The following PELI2 variants were observed in gnomAD, a reference collection of about 807,000 sequenced individuals.
PELI2 encodes E3 ubiquitin-protein ligase pellino homolog 2.
A neutral mutation model predicts 42.3 loss-of-function variants in PELI2; 23 were observed. That is an observed-to-expected ratio of 0.54 (90% CI 0.39 to 0.77). PELI2 has a LOEUF of 0.77. Ranked by LOEUF, PELI2 falls within the 30% of genes least tolerant of loss-of-function variation. PELI2 has a pLI of 0.00. For missense variants in PELI2, 463 were observed against 553.2 expected (o/e 0.84, Z 1.64); for synonymous variants, 245 against 212.2 (o/e 1.15, Z -1.34).
At chr14:56,240,286 T>A (rs55724547) in intron 2 of PELI2, among the ~76,000 whole-genome samples, 25,016 of 151,722 alleles carry the variant, frequency 0.16, 2,624 homozygotes, top group Non-Finnish European at 0.24. Flanking sequence ...GGCGAGACGA[T>A]TGGGGGCCTG....
intron 2 of PELI2, among the ~76,000 whole-genome samples, chr14:56,198,010 A>ACCCACACC (rs1555346656): frequency 1.5e-3 from 169 of 114,700 alleles, no homozygotes; most frequent in African/African-American, 4.7e-3. Flanking sequence ...ACACACACAC[A>ACCCACACC]CACCCACCTC....
chr14:56,150,196 C>CA (rs1884290761), intron 1 of PELI2, among the ~76,000 whole-genome samples: 1 of 152,224 alleles, frequency 6.6e-6, no homozygotes, highest in African/African-American at 2.4e-5. Context: ...GCAGCAAGCA[C>CA]GGCGTAACTG....
At chr14:56,185,520 A>T (rs1299330770) in intron 2 of PELI2, among the ~76,000 whole-genome samples, 1 of 152,208 alleles carries the variant, frequency 6.6e-6, no homozygotes, top group Non-Finnish European at 1.5e-5. Flanking sequence ...CAGCATACCT[A>T]CTTATCATCA....
In PELI2 at chr14:56,300,329, A is replaced by AGTAGTAG. The variant is rs1890136034; in HGVS notation, c.*3163_*3164insGTAGTAG. The AGTAGTAG allele has an allele frequency of 1.3e-5, 2 of 152,688 alleles. No homozygotes were observed. The highest frequency in any genetic ancestry group is 2.9e-5 in the Non-Finnish European group (2 of 68,050). The allele number at this position is 152,688 out of a possible 1,614,324, so 9.5% of individuals were successfully genotyped here. ...GCAGAAATATGTCAGAAACTGGCAT[A>AGTAGTAG]AACATGATTGTAGTAGAATTTATTT... On this transcript the variant is annotated 3_prime_UTR_variant, in exon 6 of 6. Coordinates refer to ENST00000267460, the MANE Select transcript of PELI2 (RefSeq NM_021255.3).
At position 56,273,374 on chromosome 14, in the gene PELI2, C is replaced by T. The variant is rs983577424; in HGVS notation, c.208-6302C>T. Reference sequence around the variant, plus strand: ...TCAGAAGTCCCATGTGTCACATCCACGGCATTCTCTTGGTCATTGAGCAAG... The same window carrying T: ...TCAGAAGTCCCATGTGTCACATCCATGGCATTCTCTTGGTCATTGAGCAAG... On this transcript the variant is annotated intron_variant, in intron 2 of 5. Transcript: ENST00000267460. The surrounding 1 kb of genome is among the most constrained non-coding windows in gnomAD (Gnocchi z 4.3). Among the ~76,000 whole-genome samples, 13 of 152,214 alleles carry T rather than the reference C, an allele frequency of 8.5e-5. No individual in the cohort carries two copies. The highest frequency in any genetic ancestry group is 1.3e-4 in the Admixed American group (2 of 15,286).
At chr14:56,125,422 G>C (rs900091451) in intron 1 of PELI2, among the ~76,000 whole-genome samples, 1 of 151,642 alleles carries the variant, frequency 6.6e-6, no homozygotes, top group African/African-American at 2.4e-5. Flanking sequence ...GGGCAGGGGG[G>C]GGGTGAATTG....
At chr14:56,218,932 C>T (rs4898892) in intron 2 of PELI2, among the ~76,000 whole-genome samples, 60,874 of 152,046 alleles carry the variant, frequency 0.4, 13,040 homozygotes, top group South Asian at 0.53. Flanking sequence ...AGGGGTTGGT[C>T]ATGTAATGCT....
At chr14:56,159,862 T>C (rs1320227296) in intron 1 of PELI2, among the ~76,000 whole-genome samples, 1 of 152,180 alleles carries the variant, frequency 6.6e-6, no homozygotes, top group African/African-American at 2.4e-5. Context: ...CCTCCAGCAA[T>C]GCTCAGAAGT....
chr14:56,139,499 G>A (rs1403605323), intron 1 of PELI2, among the ~76,000 whole-genome samples: 1 of 151,982 alleles, frequency 6.6e-6, no homozygotes. Context: ...GTTTGTTGCT[G>A]CTTATTATTG....
At chr14:56,228,514 A>G (rs1226682432) in intron 2 of PELI2, among the ~76,000 whole-genome samples, 2 of 152,214 alleles carry the variant, frequency 1.3e-5, no homozygotes, top group Admixed American at 1.3e-4. Flanking sequence ...TTAGGTGACA[A>G]AAATATTCAG....
At chr14:56,148,840 G>A (rs1404818462) in intron 1 of PELI2, among the ~76,000 whole-genome samples, 1 of 152,206 alleles carries the variant, frequency 6.6e-6, no homozygotes. Flanking sequence ...CTTGGCAAGA[G>A]TGAACACTCC....
At chr14:56,138,594 T>C (rs1472460150) in intron 1 of PELI2, among the ~76,000 whole-genome samples, 4 of 152,220 alleles carry the variant, frequency 2.6e-5, no homozygotes, top group Admixed American at 1.3e-4. Flanking sequence ...TAAAATGTCC[T>C]GTTTAGTACA....
intron 1 of PELI2, among the ~76,000 whole-genome samples, chr14:56,168,557 A>C (rs891136674): frequency 2.0e-5 from 3 of 151,970 alleles, no homozygotes; most frequent in African/African-American, 7.2e-5. Context: ...CCTGGGACTC[A>C]CCCTCAGGGC....
At chr14:56,286,462 A>G (rs1234191144) in intron 3 of PELI2, among the ~76,000 whole-genome samples, 1 of 152,172 alleles carries the variant, frequency 6.6e-6, no homozygotes, top group African/African-American at 2.4e-5. Flanking sequence ...AACTTTTCTT[A>G]TATATATAAA....
chr14:56,163,573 T>C (rs1884843198), intron 1 of PELI2, among the ~76,000 whole-genome samples: 1 of 152,132 alleles, frequency 6.6e-6, no homozygotes, highest in Admixed American at 6.6e-5. Flanking sequence ...TGTTGCTCTG[T>C]ATACTTTTTA....
At chr14:56,294,926 C>T (rs1416446042) in intron 5 of PELI2, among the ~76,000 whole-genome samples, 2 of 152,152 alleles carry the variant, frequency 1.3e-5, no homozygotes, top group Non-Finnish European at 2.9e-5. Flanking sequence ...GAGGTTAAGT[C>T]GTTGACTCAA....
intron 2 of PELI2, among the ~76,000 whole-genome samples, chr14:56,256,504 G>T (rs1017659830): frequency 2.6e-5 from 4 of 151,966 alleles, no homozygotes; most frequent in Admixed American, 6.6e-5. Context: ...AACTATAAAT[G>T]TAAGAAGCCA....
intron 2 of PELI2, among the ~76,000 whole-genome samples, chr14:56,214,293 C>T (rs748592617): frequency 1.3e-5 from 2 of 151,972 alleles, no homozygotes; most frequent in African/African-American, 4.8e-5. Context: ...GGGTAGAGCC[C>T]CTGGAAGCTA....
chr14:56,276,853 A>G (rs1283192687), intron 2 of PELI2, among the ~76,000 whole-genome samples: 1 of 152,176 alleles, frequency 6.6e-6, no homozygotes, highest in Non-Finnish European at 1.5e-5. Flanking sequence ...GTCTGATATC[A>G]CAGATTTTCT....
Sources: allele counts gnomAD v4.1 joint callset (sites outside exome capture counted in the v4.1 genomes callset), GRCh38; gene constraint gnomAD v4.1.1; non-coding constraint Gnocchi (gnomAD v3.1); transcripts MANE v1.5; gene names NCBI Gene and HGNC (gene_info 2026-07-23, HGNC 2026-07-21).